Variants in ZFPM2 observed in about 807,000 individuals in gnomAD.
ZFPM2 encodes zinc finger protein, FOG family member 2, also known as zinc finger protein ZFPM2.
Under a neutral mutation model 98.6 loss-of-function variants are expected in ZFPM2, and 20 were observed. The ratio of observed to expected loss-of-function variants is 0.20; its 90% CI spans 0.14 to 0.29. ZFPM2 has a LOEUF of 0.29. Among genes scored for constraint, ZFPM2 ranks in the 10% least tolerant of loss-of-function variants. ZFPM2 has a pLI of 1.00. For synonymous variants in ZFPM2, 518 were observed against 502.7 expected (o/e 1.03, Z -0.41); for missense variants, 1,310 against 1,388.6 (o/e 0.94, Z 0.90).
At chr8:105,444,492 G>C in intron 3 of ZFPM2, 111 bp downstream of exon 3, 1 of 611,472 alleles carries the variant, frequency 1.6e-6, no homozygotes, top group South Asian at 2.7e-5. Flanking sequence ...GTGTGTGCTG[G>C]TTACATGAGA....
chr8:105,700,649 G>A (rs940384934), intron 5 of ZFPM2, among the ~76,000 whole-genome samples: 11 of 152,126 alleles, frequency 7.2e-5, no homozygotes, highest in African/African-American at 2.7e-4. Flanking sequence ...GGAGTGCAGT[G>A]CAGTAGCATG....
chr8:105,503,791 T>C (rs1184498663), intron 3 of ZFPM2, among the ~76,000 whole-genome samples: 1 of 152,186 alleles, frequency 6.6e-6, no homozygotes, highest in Non-Finnish European at 1.5e-5. Flanking sequence ...AAAAGGTATG[T>C]GGTAGAGGAG....
intron 1 of ZFPM2, among the ~76,000 whole-genome samples, chr8:105,388,893 T>A (rs540093812): frequency 6.6e-6 from 1 of 152,244 alleles, no homozygotes; most frequent in African/African-American, 2.4e-5. Context: ...GGTTAGACCT[T>A]CACTGATACA....
At chr8:105,735,615 AACAGAC>A (rs142604729) in intron 5 of ZFPM2, among the ~76,000 whole-genome samples, 11,839 of 151,936 alleles carry the variant, frequency 0.078, 617 homozygotes, top group African/African-American at 0.14. Flanking sequence ...AGGTTTTTTG[AACAGAC>A]ACAGTCAAGG....
intron 3 of ZFPM2, among the ~76,000 whole-genome samples, chr8:105,478,115 A>G (rs538725720): frequency 3.3e-4 from 51 of 152,322 alleles, no homozygotes; most frequent in African/African-American, 1.1e-3. Flanking sequence ...TGTTTTCCTC[A>G]TTAGACATCT....
Position 105,440,015 on chromosome 8 carries a change from A to G in ZFPM2, c.200-4265A>G, listed in dbSNP as rs151148408. On this transcript the variant is annotated intron_variant, in intron 2 of 7. Transcript: ENST00000407775. ...ATCCCTAGTGGCACTCAAGAAGATT[A>G]AGATGGTAAACTGATATTTTATTAA... Among the ~76,000 whole-genome samples the G allele has an allele frequency of 4.4e-3, 677 of 152,340 alleles. 18 individuals carry two copies. The highest frequency in any genetic ancestry group is 1.9e-3 in the Non-Finnish European group (131 of 68,028).
chr8:105,639,704 C>T (rs1487211139), intron 5 of ZFPM2, among the ~76,000 whole-genome samples: 1 of 151,910 alleles, frequency 6.6e-6, no homozygotes, highest in Admixed American at 6.6e-5. Flanking sequence ...TACAAGCAGT[C>T]CTTGTGGTCA....
At chr8:105,625,157 C>A (rs1816628270) in intron 4 of ZFPM2, among the ~76,000 whole-genome samples, 1 of 152,122 alleles carries the variant, frequency 6.6e-6, no homozygotes. Context: ...TTGCTAATGT[C>A]TTTCCCACTT....
chr8:105,486,259 A>G (rs1410172319), intron 3 of ZFPM2, among the ~76,000 whole-genome samples: 1 of 152,118 alleles, frequency 6.6e-6, no homozygotes, highest in African/African-American at 2.4e-5. Flanking sequence ...TTGAAACATG[A>G]TGCGTGACTT....
Position 105,386,864 on chromosome 8 carries a change from G to A in ZFPM2, c.41-32280G>A, listed in dbSNP as rs565990332. 1.6e-4 allele frequency among the ~76,000 whole-genome samples: 24 copies of A among 152,090 alleles called. No individual in the cohort carries two copies. In the South Asian group the frequency reaches 3.3e-3, roughly 21 times the overall value. ...AAGGTGGAGGACAAAAGTTCTCCAC[G>A]TACCCACTAGATTAGCTAGATACAG... On this transcript the variant is annotated intron_variant, in intron 1 of 7. Transcript: ENST00000407775.
chr8:105,531,846 C>T (rs926964986), intron 3 of ZFPM2, among the ~76,000 whole-genome samples: 3 of 152,114 alleles, frequency 2.0e-5, no homozygotes, highest in African/African-American at 7.2e-5. Flanking sequence ...AACTTTTCTG[C>T]TACTGTAATG....
intron 5 of ZFPM2, among the ~76,000 whole-genome samples, chr8:105,710,701 G>A (rs866957235): frequency 6.2e-5 from 8 of 129,910 alleles, no homozygotes; most frequent in South Asian, 4.8e-4. Flanking sequence ...GTGTGTGTGT[G>A]TATGTGTGTG....
intron 5 of ZFPM2, among the ~76,000 whole-genome samples, chr8:105,645,221 ACTTT>A (rs1390143955): frequency 6.6e-6 from 1 of 152,120 alleles, no homozygotes; most frequent in East Asian, 1.9e-4. Flanking sequence ...ATTCTTCTTG[ACTTT>A]CTTTGACTTT....
At chr8:105,646,842 C>T (rs1817057793) in intron 5 of ZFPM2, among the ~76,000 whole-genome samples, 1 of 152,102 alleles carries the variant, frequency 6.6e-6, no homozygotes, top group South Asian at 2.1e-4. Context: ...ATCCCTTATT[C>T]TTCTAATTCA....
chr8:105,408,633 A>T (rs528116466), intron 1 of ZFPM2, among the ~76,000 whole-genome samples: 11 of 151,988 alleles, frequency 7.2e-5, no homozygotes, highest in Admixed American at 3.9e-4. Flanking sequence ...TAAAGTTTGT[A>T]TTCCAAACAA....
chr8:105,618,625 C>A (rs1475866591), intron 4 of ZFPM2, among the ~76,000 whole-genome samples: 1 of 152,158 alleles, frequency 6.6e-6, no homozygotes, highest in Non-Finnish European at 1.5e-5. Flanking sequence ...AATAACATAT[C>A]CAGTGCTGCT....
At chr8:105,348,069 G>A (rs1286972198) in intron 1 of ZFPM2, among the ~76,000 whole-genome samples, 1 of 152,064 alleles carries the variant, frequency 6.6e-6, no homozygotes, top group African/African-American at 2.4e-5. Flanking sequence ...GGACAAAATC[G>A]ACTGATAGAA....
intron 4 of ZFPM2, among the ~76,000 whole-genome samples, chr8:105,603,063 A>G (rs1206919017): frequency 6.6e-6 from 1 of 152,102 alleles, no homozygotes; most frequent in Non-Finnish European, 1.5e-5. Flanking sequence ...TCATTTCATG[A>G]TTTTTGCATA....
chr8:105,597,154 A>G (rs1352795167), intron 4 of ZFPM2, among the ~76,000 whole-genome samples: 1 of 152,038 alleles, frequency 6.6e-6, no homozygotes, highest in Non-Finnish European at 1.5e-5. Context: ...TTGGGTTGCA[A>G]ATGAATGTTA....
Sources: allele counts gnomAD v4.1 joint callset (sites outside exome capture counted in the v4.1 genomes callset), GRCh38; gene constraint gnomAD v4.1.1; transcripts MANE v1.5; gene names NCBI Gene and HGNC (gene_info 2026-07-23, HGNC 2026-07-21).